RAPGEF5: variants seen among roughly 807,000 people sequenced by gnomAD.
The protein encoded by RAPGEF5 is Rap guanine nucleotide exchange factor 5.
Under a neutral mutation model 125.2 loss-of-function variants are expected in RAPGEF5, and 65 were observed. That is an observed-to-expected ratio of 0.52 (90% CI 0.43 to 0.64). The LOEUF (loss-of-function observed/expected upper bound fraction) is 0.64, where lower values mean the gene tolerates loss of function less well. Ranked by LOEUF, RAPGEF5 falls within the 30% of genes least tolerant of loss-of-function variation. The pLI is 0.00. For missense variants in RAPGEF5, 958 were observed against 1,048.1 expected (o/e 0.91, Z 1.19); for synonymous variants, 391 against 385.9 (o/e 1.01, Z -0.16).
rs1252595210 is a variant in RAPGEF5 at position 22,154,555 on chromosome 7, T to C, written c.1686A>G (p.Ala562=). 6.2e-7 allele frequency: 1 copy of C among 1,613,826 alleles called. No individual in the cohort carries two copies. Among genetic ancestry groups the C allele is most frequent in the Non-Finnish European group, 8.5e-7 (1 of 1,179,832 alleles). Residue 562 remains alanine, a synonymous_variant, in exon 17 of 26, where the codon GCA becomes GCG. Coordinates refer to ENST00000665637, the MANE Select transcript of RAPGEF5 (RefSeq NM_012294.5). ...ITEHSYVSVK[A]KVSSIAQEIL... ...TCTCTTGGGCTATACTGGAAACTTT[T>C]GCCTTCACACTGACATAGGAGTGCT...
intron 9 of RAPGEF5, chr7:22,194,735 C>T (rs1785106291): frequency 2.0e-6 from 2 of 985,300 alleles, no homozygotes; most frequent in Non-Finnish European, 2.4e-6. Flanking sequence ...ACCTCAGTCC[C>T]TTTTTAAAAA....
intron 4 of RAPGEF5, among the ~76,000 whole-genome samples, chr7:22,309,719 G>A (rs1477636990): frequency 6.6e-6 from 1 of 152,206 alleles, no homozygotes; most frequent in Non-Finnish European, 1.5e-5. Context: ...AAGAAAGGAA[G>A]TAGAGGAAGG....
intron 5 of RAPGEF5, among the ~76,000 whole-genome samples, chr7:22,295,241 G>A (rs1163859581): frequency 6.6e-6 from 1 of 152,150 alleles, no homozygotes; most frequent in East Asian, 1.9e-4. Context: ...CTTCTCAAGA[G>A]AAGATAATTT....
chr7:22,284,687 C>A (rs1256993097), intron 6 of RAPGEF5, among the ~76,000 whole-genome samples: 2 of 152,120 alleles, frequency 1.3e-5, no homozygotes, highest in Non-Finnish European at 2.9e-5. Flanking sequence ...GCTTGTCATT[C>A]ACTGGGGGTG....
At chr7:22,218,525 T>C (rs754714097) in intron 9 of RAPGEF5, among the ~76,000 whole-genome samples, 14 of 152,170 alleles carry the variant, frequency 9.2e-5, no homozygotes, top group Non-Finnish European at 1.6e-4. Context: ...TTGTTAAGAC[T>C]ATTGTGGGGG....
chr7:22,243,984 C>T lies in RAPGEF5; in HGVS notation c.797-13065G>A, dbSNP rs144481201. ...TTACTACCTTTCTACTCTCTACTTC[C>T]GTAAGTTCTACTTTCTAAGTTCCAC... On this transcript the variant is annotated intron_variant, in intron 7 of 25. Transcript: ENST00000665637. Among the ~76,000 whole-genome samples, 322 of 152,228 alleles carry T rather than the reference C, an allele frequency of 2.1e-3. 3 individuals are homozygous for T. Among genetic ancestry groups the T allele is most frequent in the African/African-American group, 7.4e-3 (309 of 41,546 alleles).
At chr7:22,200,646 G>C (rs182243594) in intron 9 of RAPGEF5, among the ~76,000 whole-genome samples, 1 of 151,988 alleles carries the variant, frequency 6.6e-6, no homozygotes, top group African/African-American at 2.4e-5. Context: ...TATTTATTAC[G>C]GAACTTGACC....
intron 21 of RAPGEF5, 151 bp downstream of exon 21, chr7:22,139,874 C>T (rs1672131551): frequency 6.2e-6 from 4 of 643,358 alleles, no homozygotes; most frequent in East Asian, 3.0e-5. Context: ...ATTATACAAC[C>T]GTTTAAAGAC....
intron 7 of RAPGEF5, 71 bp from the exon 8 acceptor site, chr7:22,230,990 A>T (rs555049427): frequency 7.1e-7 from 1 of 1,400,764 alleles, no homozygotes; most frequent in East Asian, 2.5e-5. Context: ...TTTCTTTCAG[A>T]TCGCAATTTA....
intron 8 of RAPGEF5, 113 bp downstream of exon 8, chr7:22,230,733 G>A: frequency 1.1e-6 from 1 of 945,738 alleles, no homozygotes; most frequent in South Asian, 1.7e-5. Context: ...CAATAACATG[G>A]CTATTTACAA....
chr7:22,318,715 A>G (rs1351774004), intron 1 of RAPGEF5, among the ~76,000 whole-genome samples: 1 of 152,042 alleles, frequency 6.6e-6, no homozygotes, highest in Non-Finnish European at 1.5e-5. Flanking sequence ...ATCTTCCTCA[A>G]TGCTTCCCAG....
chr7:22,294,891 C>G (rs1783023879), intron 5 of RAPGEF5, among the ~76,000 whole-genome samples: 1 of 152,178 alleles, frequency 6.6e-6, no homozygotes, highest in African/African-American at 2.4e-5. Flanking sequence ...AAGCCAAAAT[C>G]TTTTTATACT....
intron 22 of RAPGEF5, 88 bp downstream of exon 22, chr7:22,136,845 G>C: frequency 8.5e-7 from 1 of 1,170,250 alleles, no homozygotes; most frequent in Non-Finnish European, 1.2e-6. Flanking sequence ...ACACGGTAGA[G>C]TACAAATACC....
At chr7:22,169,899 A>T (rs2128116511) in intron 11 of RAPGEF5, among the ~76,000 whole-genome samples, 1 of 129,530 alleles carries the variant, frequency 7.7e-6, no homozygotes, top group Admixed American at 8.8e-5. Flanking sequence ...CTTCCCAGAT[A>T]CTCAGGAGGC....
At chr7:22,246,623 C>G (rs991256360) in intron 7 of RAPGEF5, among the ~76,000 whole-genome samples, 15 of 152,144 alleles carry the variant, frequency 9.9e-5, no homozygotes, top group African/African-American at 3.6e-4. Flanking sequence ...TATAAGAATA[C>G]TAGAAGAAAA....
intron 7 of RAPGEF5, among the ~76,000 whole-genome samples, chr7:22,235,576 G>A (rs1306252379): frequency 3.3e-5 from 5 of 152,212 alleles, no homozygotes; most frequent in African/African-American, 1.2e-4. Flanking sequence ...AAGTATGGAA[G>A]AGAGGTGTAC....
rs1264686697 is a variant in RAPGEF5 at position 22,120,934 on chromosome 7, G to GA, written c.*1471dup. On this transcript the variant is annotated 3_prime_UTR_variant, in exon 26 of 26. Transcript: ENST00000665637. This position sits in a 1 kb window ranked among gnomAD's most constrained non-coding sequence, Gnocchi z 4.0. ...AATGAGGCGTTGATGAGACAAAAAG[G>GA]AAACAGGTCTGTGTGGGCATGAAAG... is the stretch of plus-strand genomic sequence containing the variant. 6.6e-6 allele frequency: 1 copy of GA among 152,250 alleles called. No homozygotes were observed. Among genetic ancestry groups the GA allele is most frequent in the Non-Finnish European group, 1.5e-5 (1 of 68,094 alleles). 9.4% of individuals were successfully genotyped at this position (152,250 alleles called of 1,614,324 possible).
intron 11 of RAPGEF5, chr7:22,192,761 C>T (rs1191621382): frequency 6.6e-6 from 1 of 152,510 alleles, no homozygotes; most frequent in Non-Finnish European, 1.5e-5. Flanking sequence ...GTGTTTTACT[C>T]TCAGATTAAA....
At chr7:22,126,770 AC>A (rs1782758684) in intron 24 of RAPGEF5, among the ~76,000 whole-genome samples, 1 of 148,036 alleles carries the variant, frequency 6.8e-6, no homozygotes, top group African/African-American at 2.5e-5. Context: ...TATGCATCAT[AC>A]CTGGCTAATT....
Sources: gnomAD v4.1 joint callset for allele counts (sites outside exome capture counted in the v4.1 genomes callset) on GRCh38, gnomAD v4.1.1 for gene constraint, Gnocchi (gnomAD v3.1) non-coding constraint, MANE v1.5 for transcripts, NCBI Gene and HGNC (gene_info 2026-07-23, HGNC 2026-07-21) for gene names.